THOC1: variants seen among roughly 807,000 people sequenced by gnomAD.
The protein encoded by THOC1 is THO complex subunit 1, also known as THO complex 1.
In THOC1, 29 loss-of-function variants were observed where a neutral mutation model predicts 97.3. The ratio of observed to expected loss-of-function variants is 0.30; its 90% confidence interval spans 0.22 to 0.41. THOC1 has a LOEUF of 0.41. Ranked by LOEUF, THOC1 falls within the 10% of genes least tolerant of loss-of-function variation. THOC1 has a pLI of 1.00. For synonymous variants in THOC1, 255 were observed against 257.0 expected (o/e 0.99, Z 0.07); for missense variants, 529 against 761.9 (o/e 0.69, Z 3.60).
chr18:226,459 T>C lies in THOC1; in HGVS notation c.1019+342A>G, dbSNP rs116731867. The C allele has an allele frequency of 5.6e-3, 1,095 of 195,958 alleles. 21 individuals are homozygous for C. The highest frequency in any genetic ancestry group is 0.025 in the African/African-American group (1,053 of 42,660). 12.1% of individuals were successfully genotyped at this position (195,958 alleles called of 1,614,324 possible). On this transcript the variant is annotated intron_variant, in intron 12 of 20. Coordinates refer to ENST00000261600, the MANE Select transcript of THOC1 (RefSeq NM_005131.3). ...GCAGAGCTCCACACCTTGTGAGATA[T>C]GTATTACTGGCTTAGTCTGCAAATC...
chr18:267,264 G>T (rs1912805103), intron 1 of THOC1, among the ~76,000 whole-genome samples: 1 of 152,128 alleles, frequency 6.6e-6, no homozygotes, highest in Non-Finnish European at 1.5e-5. Flanking sequence ...AAAAACCACT[G>T]AAGTCACAAC....
intron 4 of THOC1, 49 bp downstream of exon 4, chr18:263,977 T>C: frequency 1.4e-6 from 2 of 1,380,174 alleles, no homozygotes; most frequent in Non-Finnish European, 2.0e-6. Context: ...AAATAAAGCA[T>C]GTCATGTCCA....
intron 11 of THOC1, among the ~76,000 whole-genome samples, chr18:237,157 A>ATTT (rs763933161): frequency 2.4e-5 from 3 of 126,304 alleles, no homozygotes; most frequent in Non-Finnish European, 3.3e-5. Context: ...CATGTACTGG[A>ATTT]TTTTTTTTTT....
At chr18:246,120 G>A in intron 11 of THOC1, 1 of 421,564 alleles carries the variant, frequency 2.4e-6, no homozygotes, top group Admixed American at 4.4e-5. Context: ...ACTTAATGTA[G>A]AACTACTTTC....
chr18:225,445 T>C (rs768149815), intron 12 of THOC1, 42 bp from the exon 13 acceptor site: 2 of 1,543,634 alleles, frequency 1.3e-6, no homozygotes, highest in Non-Finnish European at 1.8e-6. Flanking sequence ...GTTACAGCAA[T>C]GCATATGCAA....
At position 242,877 on chromosome 18, in the gene THOC1, A is replaced by G. The variant is rs112189740; in HGVS notation, c.918+3447T>C. ...TCAAAACACCATGTAAGGTACAGAG[A>G]TGCTGGAAGGCTTCTTTCAGTGCAG... is the stretch of plus-strand genomic sequence containing the variant. On this transcript the variant is annotated intron_variant, in intron 11 of 20. Transcript: ENST00000261600. This position sits in a 1 kb window ranked among gnomAD's most constrained non-coding sequence, Gnocchi z 4.5. Among the ~76,000 whole-genome samples the G allele has an allele frequency of 6.6e-6, 1 of 152,336 alleles. No individual in the cohort carries two copies. Among genetic ancestry groups the G allele is most frequent in the African/African-American group, 2.4e-5 (1 of 41,572 alleles).
chr18:232,299 T>C (rs994529901), intron 11 of THOC1, among the ~76,000 whole-genome samples: 4 of 152,112 alleles, frequency 2.6e-5, no homozygotes, highest in Admixed American at 2.6e-4. Context: ...GGTATCACTT[T>C]GTTGCTCAGG....
rs1912382122 is a variant in THOC1 at position 254,653 on chromosome 18, G to C, written c.521-298C>G. ...CCAACAGCATATGCTCACTTCCTCT[G>C]TCACATTTTGGTAATTCTCACAATA... On this transcript the variant is annotated intron_variant, in intron 7 of 20. Transcript: ENST00000261600. The surrounding 1 kb of genome is among the most constrained non-coding windows in gnomAD (Gnocchi z 4.1). Among the ~76,000 whole-genome samples the C allele has an allele frequency of 6.6e-6, 1 of 151,928 alleles. No individual in the cohort carries two copies. The highest frequency in any genetic ancestry group is 2.4e-5 in the African/African-American group (1 of 41,334).
chr18:264,440 A>C (rs536707728), intron 3 of THOC1, among the ~76,000 whole-genome samples: 1 of 152,314 alleles, frequency 6.6e-6, no homozygotes, highest in South Asian at 2.1e-4. Context: ...ATGAGAATTA[A>C]CTACTAATAC....
chr18:259,090 C>A, intron 7 of THOC1, 90 bp downstream of exon 7: 1 of 976,750 alleles, frequency 1.0e-6, no homozygotes, highest in Non-Finnish European at 1.5e-6. Context: ...TTTTTAGAAC[C>A]ATTTTTCTCA....
chr18:249,527 T>C (rs955525953), intron 9 of THOC1, among the ~76,000 whole-genome samples: 1 of 152,036 alleles, frequency 6.6e-6, no homozygotes, highest in Non-Finnish European at 1.5e-5. Flanking sequence ...CCAGGCATTG[T>C]GGTGCGTGCT....
At position 259,168 on chromosome 18, in the gene THOC1, A is replaced by G. The variant is rs374127509; in HGVS notation, c.520+12T>C. 269 of 1,602,576 alleles carry G rather than the reference A, an allele frequency of 1.7e-4. 1 individual carries two copies. The highest frequency in any genetic ancestry group is 1.7e-4 in the Non-Finnish European group (197 of 1,173,352). The stretch of plus-strand genomic sequence containing the variant: ...TTCCTGCAGAAAACTCATTTAATGC[A>G]TAAAAGCTTACCTGATTTCTCAGAC... On this transcript the variant is annotated intron_variant, in intron 7 of 20. Transcript: ENST00000261600.
chr18:265,541 A>AT lies in THOC1; in HGVS notation c.55-12dup. On this transcript the variant is annotated splice_polypyrimidine_tract_variant and intron_variant, in intron 1 of 20. Transcript: ENST00000261600. ...CTCTCTGGTAGACTTCTAAAAAAAA[A>AT]TTAAAATGGCAAATAATTGTAAAGA... The AT allele has an allele frequency of 6.4e-7, 1 of 1,552,268 alleles. No individual in the cohort carries two copies.
chr18:263,771 A>C, intron 4 of THOC1: 1 of 388,090 alleles, frequency 2.6e-6, no homozygotes, highest in South Asian at 3.8e-5. Flanking sequence ...CACATAGTAG[A>C]TGCTCAATGA....
At chr18:216,401 A>T in intron 19 of THOC1, 85 bp downstream of exon 19, 1 of 1,431,144 alleles carries the variant, frequency 7.0e-7, no homozygotes, top group Non-Finnish European at 9.5e-7. Flanking sequence ...TCACATGATT[A>T]AGTCAGTTTT....
chr18:241,256 T>C (rs976385531), intron 11 of THOC1, among the ~76,000 whole-genome samples: 10 of 152,206 alleles, frequency 6.6e-5, no homozygotes, highest in African/African-American at 2.2e-4. Flanking sequence ...AGCTAGGCTA[T>C]AGTATATCTT....
At chr18:263,967 A>T in intron 4 of THOC1, 59 bp downstream of exon 4, 1 of 1,333,116 alleles carries the variant, frequency 7.5e-7, no homozygotes, top group Non-Finnish European at 1.1e-6. Context: ...AAGACGTTTT[A>T]AATAAAGCAT....
intron 11 of THOC1, among the ~76,000 whole-genome samples, chr18:229,374 A>G (rs1911403119): frequency 6.6e-6 from 1 of 152,160 alleles, no homozygotes; most frequent in South Asian, 2.1e-4. Flanking sequence ...CGCCTCATCC[A>G]CTAATCCATT....
intron 11 of THOC1, among the ~76,000 whole-genome samples, chr18:243,514 G>A (rs760653502): frequency 6.6e-6 from 1 of 151,832 alleles, no homozygotes; most frequent in African/African-American, 2.4e-5. Flanking sequence ...CTCCAGCCTG[G>A]GCGACAGAGC....
Sources: gnomAD v4.1 joint callset for allele counts (sites outside exome capture counted in the v4.1 genomes callset) on GRCh38, gnomAD v4.1.1 for gene constraint, Gnocchi (gnomAD v3.1) non-coding constraint, MANE v1.5 for transcripts, NCBI Gene and HGNC (gene_info 2026-07-23, HGNC 2026-07-21) for gene names.